PCDHA7: variants seen among roughly 807,000 people sequenced by gnomAD.
PCDHA7 encodes protocadherin alpha 7, also known as protocadherin alpha-7.
Under a neutral mutation model 57.2 loss-of-function variants are expected in PCDHA7, and 37 were observed. The ratio of observed to expected loss-of-function variants is 0.65; its 90% confidence interval spans 0.50 to 0.85. The LOEUF (loss-of-function observed/expected upper bound fraction) is 0.85, where lower values mean the gene tolerates loss of function less well. Ranked by LOEUF, PCDHA7 falls within the 40% of genes least tolerant of loss-of-function variation. The pLI is 0.00. For synonymous variants in PCDHA7, 553 were observed against 558.8 expected (o/e 0.99, Z 0.15); for missense variants, 1,188 against 1,241.8 (o/e 0.96, Z 0.65).
intron 1 of PCDHA7, chr5:140,883,651 G>A (rs782597421): frequency 1.9e-6 from 3 of 1,613,652 alleles, no homozygotes; most frequent in Middle Eastern, 1.7e-4. Flanking sequence ...CCGAGTACAC[G>A]GTGTTCGTGA....
chr5:140,974,302 C>G (rs782329639), intron 1 of PCDHA7, among the ~76,000 whole-genome samples: 1 of 152,176 alleles, frequency 6.6e-6, no homozygotes, highest in Non-Finnish European at 1.5e-5. Flanking sequence ...GGAGGTACAA[C>G]TGTGAGTGAG....
chr5:141,001,792 T>C (rs1442216091), intron 3 of PCDHA7, among the ~76,000 whole-genome samples: 3 of 152,192 alleles, frequency 2.0e-5, no homozygotes, highest in African/African-American at 7.2e-5. Context: ...AGCCTGAGTA[T>C]ATACTATCAT....
At position 140,836,501 on chromosome 5, in the gene PCDHA7, G is replaced by C. The variant is rs1554136017; in HGVS notation, c.2118G>C (p.Ala706=). The C allele has an allele frequency of 3.7e-6, 6 of 1,613,866 alleles. No homozygotes were observed. Among genetic ancestry groups the C allele is most frequent in the Non-Finnish European group, 5.1e-6 (6 of 1,179,860 alleles). Reference sequence around the variant, plus strand: ...TGTACCTGATCATCGCCATCTGCGCGGTGTCCAGTCTGTTGGTGCTTACCC... The same window carrying C: ...TGTACCTGATCATCGCCATCTGCGCCGTGTCCAGTCTGTTGGTGCTTACCC... ...VNVYLIIAIC[A]VSSLLVLTLL... Residue 706 remains alanine (A), a synonymous_variant, in exon 1 of 4, where the codon GCG becomes GCC. Coordinates refer to ENST00000525929, the MANE Select transcript of PCDHA7 (RefSeq NM_018910.3).
chr5:140,970,872 T>C (rs2096439604), intron 1 of PCDHA7, among the ~76,000 whole-genome samples: 3 of 152,158 alleles, frequency 2.0e-5, no homozygotes, highest in African/African-American at 7.2e-5. Flanking sequence ...TGATTGAGAG[T>C]AGATTTTTCT....
chr5:140,839,348 C>T (rs1169495431), intron 1 of PCDHA7, among the ~76,000 whole-genome samples: 2 of 148,576 alleles, frequency 1.3e-5, no homozygotes, highest in African/African-American at 2.5e-5. Flanking sequence ...AGGGGATCCT[C>T]CTTAGCCACC....
At chr5:140,843,013 A>C in intron 1 of PCDHA7, 1 of 1,595,130 alleles carries the variant, frequency 6.3e-7, no homozygotes, top group South Asian at 1.1e-5. Context: ...ACGCGCCGGC[A>C]CTGCTGGAGC....
At chr5:140,911,892 G>A (rs2075679347) in intron 1 of PCDHA7, among the ~76,000 whole-genome samples, 1 of 152,176 alleles carries the variant, frequency 6.6e-6, no homozygotes. Flanking sequence ...ACCAAAATCT[G>A]TATTAGTCAG....
At chr5:140,920,746 A>AG (rs1190651507) in intron 1 of PCDHA7, among the ~76,000 whole-genome samples, 2 of 151,430 alleles carry the variant, frequency 1.3e-5, no homozygotes, top group African/African-American at 4.8e-5. Context: ...CAGGAGGCTG[A>AG]GGCAGGAGAA....
chr5:140,985,298 C>T (rs770798262), intron 3 of PCDHA7, among the ~76,000 whole-genome samples: 1 of 152,124 alleles, frequency 6.6e-6, no homozygotes, highest in Non-Finnish European at 1.5e-5. Context: ...ATAGTGTTGG[C>T]TGATAGCCTG....
chr5:140,881,218 T>G (rs997488208), intron 1 of PCDHA7: 10 of 230,756 alleles, frequency 4.3e-5, no homozygotes, highest in Non-Finnish European at 6.4e-5. Flanking sequence ...TGTTGTTTCT[T>G]GGAAAATTAA....
intron 3 of PCDHA7, among the ~76,000 whole-genome samples, chr5:140,997,899 G>T (rs2097789789): frequency 6.6e-6 from 1 of 152,126 alleles, no homozygotes; most frequent in Non-Finnish European, 1.5e-5. Context: ...TAAATTTCAA[G>T]AAGTAGAATT....
chr5:140,946,631 T>TATATATATATATATATATATATATACAC lies in PCDHA7; in HGVS notation c.2356-32317_2356-32316insTATATATATATATATATATATATACACA, dbSNP rs57893927. 8.3e-4 allele frequency among the ~76,000 whole-genome samples: 109 copies of TATATATATATATATATATATATATACAC among 131,802 alleles called. 1 individual carries two copies. The highest frequency in any genetic ancestry group is 3.6e-3 in the African/African-American group (102 of 28,672). 86.5% of individuals were successfully genotyped at this position (131,802 alleles called of 152,430 possible). A position where few individuals can be genotyped will look rare whatever the true frequency, so the allele number is the denominator to read the frequency against. On this transcript the variant is annotated intron_variant, in intron 1 of 3. Transcript: ENST00000525929. ...TGTGAAATATATATATATATATATA[T>TATATATATATATATATATATATATACAC]ACAATGGAATACTCATCAGCCATTA...
rs782009999 is a variant in PCDHA7, at chr5:140,928,473, C to G, written c.2356-50476C>G. 25 of 1,614,096 alleles carry G rather than the reference C, an allele frequency of 1.5e-5. No individual in the cohort carries two copies. The East Asian group carries it at 2.5e-4, about 16-fold the overall frequency. ...GGGGGTTTCATTTCCAAGTAGAAGGCCGGGATGGTGGCATTCCTCCCAGAA... is the reference window on the plus strand; with the variant it reads ...GGGGGTTTCATTTCCAAGTAGAAGGGCGGGATGGTGGCATTCCTCCCAGAA... On this transcript the variant is annotated intron_variant, in intron 1 of 3. Transcript: ENST00000525929.
chr5:140,928,836 C>G, intron 1 of PCDHA7: 2 of 1,614,168 alleles, frequency 1.2e-6, no homozygotes, highest in South Asian at 2.2e-5. Context: ...CACTTTCCTC[C>G]TCTGTCACTC....
rs1307653192 is a variant in PCDHA7, at chr5:141,009,883, G to C, written c.2760G>C (p.Lys920Asn). 1.2e-6 allele frequency: 2 copies of C among 1,613,212 alleles called. No individual in the cohort carries two copies. Among genetic ancestry groups the C allele is most frequent in the Non-Finnish European group, 1.7e-6 (2 of 1,179,888 alleles). Reference sequence around the variant, plus strand: ...AGAAGAAAAAGAAGAAGGGTAACAAGACCCAGGAGAAAAAAGAGAAAGGGA... The same window carrying C: ...AGAAGAAAAAGAAGAAGGGTAACAACACCCAGGAGAAAAAAGAGAAAGGGA... ...KKKKKKKKGNKTQEKKEKGNS... is the reference protein window; with the variant it reads ...KKKKKKKKGNNTQEKKEKGNS... The change falls in exon 4 of 4, where the codon AAG becomes AAC. Residue 920 changes from lysine (K) to asparagine (N), a missense_variant. Coordinates refer to ENST00000525929, the MANE Select transcript of PCDHA7 (RefSeq NM_018910.3).
At chr5:140,989,140 C>A (rs2153881117) in intron 3 of PCDHA7, among the ~76,000 whole-genome samples, 1 of 152,290 alleles carries the variant, frequency 6.6e-6, no homozygotes, top group East Asian at 1.9e-4. Context: ...CACTTTATCC[C>A]TTCTTTTGTT....
chr5:140,966,599 C>T, intron 1 of PCDHA7: 1 of 631,096 alleles, frequency 1.6e-6, no homozygotes, highest in Non-Finnish European at 2.4e-6. Context: ...GGCCAGGAGC[C>T]CTTGGGAGGG....
chr5:140,928,939 T>C (rs367874769), intron 1 of PCDHA7: 1 of 1,614,130 alleles, frequency 6.2e-7, no homozygotes, highest in Non-Finnish European at 8.5e-7. Context: ...CCAGAACTTG[T>C]ATTTAGTAAT....
At chr5:140,922,135 C>T (rs550862927) in intron 1 of PCDHA7, among the ~76,000 whole-genome samples, 3 of 152,092 alleles carry the variant, frequency 2.0e-5, no homozygotes, top group African/African-American at 7.2e-5. Context: ...TGTCTCTTAT[C>T]CTCCATGAAA....
Sources: allele counts gnomAD v4.1 joint callset (sites outside exome capture counted in the v4.1 genomes callset), GRCh38; gene constraint gnomAD v4.1.1; transcripts MANE v1.5; gene names NCBI Gene and HGNC (gene_info 2026-07-23, HGNC 2026-07-21).